ATP8B4: variants seen among roughly 807,000 people sequenced by gnomAD.
The protein encoded by ATP8B4 is probable phospholipid-transporting ATPase IM.
In ATP8B4, 133 loss-of-function variants were observed where a neutral mutation model predicts 145.6. The observed-to-expected ratio is 0.91, with a 90% CI of 0.79 to 1.05. ATP8B4 has a LOEUF of 1.05. Ranked by LOEUF, ATP8B4 falls within the 50% of genes least tolerant of loss-of-function variation. The pLI, the probability that ATP8B4 is intolerant of heterozygous loss-of-function variation, is 0.00. For missense variants in ATP8B4, 1,458 were observed against 1,425.2 expected, an observed-to-expected ratio of 1.02 and a Z score of -0.37; for synonymous variants, 507 against 492.9, an observed-to-expected ratio of 1.03 and a Z score of -0.38.
intron 2 of ATP8B4, among the ~76,000 whole-genome samples, chr15:50,081,981 T>C (rs1020033460): frequency 2.0e-5 from 3 of 152,318 alleles, no homozygotes; most frequent in African/African-American, 7.2e-5. Flanking sequence ...ATCCAAAAGC[T>C]GAAGAATGTC....
At chr15:49,898,588 A>G (rs1186645212) in intron 21 of ATP8B4, among the ~76,000 whole-genome samples, 1 of 152,256 alleles carries the variant, frequency 6.6e-6, no homozygotes, top group Non-Finnish European at 1.5e-5. Context: ...GATGAAAACA[A>G]AAGACAGAAC....
intron 15 of ATP8B4, among the ~76,000 whole-genome samples, chr15:49,933,337 G>A (rs1171808084): frequency 6.6e-6 from 1 of 152,034 alleles, no homozygotes; most frequent in East Asian, 1.9e-4. Flanking sequence ...AAGAATTAGT[G>A]GGCTGAGGAA....
intron 20 of ATP8B4, among the ~76,000 whole-genome samples, chr15:49,903,935 C>T (rs1182502494): frequency 6.6e-6 from 1 of 151,908 alleles, no homozygotes; most frequent in Non-Finnish European, 1.5e-5. Context: ...TGGATTGAAA[C>T]CATGACATCC....
intron 20 of ATP8B4, among the ~76,000 whole-genome samples, chr15:49,916,312 G>A (rs569320966): frequency 1.3e-5 from 2 of 151,998 alleles, no homozygotes; most frequent in East Asian, 1.9e-4. Context: ...CAGCACTTAC[G>A]TATTTTCTGG....
At chr15:50,148,927 T>C (rs1454397393) in intron 1 of ATP8B4, among the ~76,000 whole-genome samples, 1 of 152,250 alleles carries the variant, frequency 6.6e-6, no homozygotes, top group Non-Finnish European at 1.5e-5. Context: ...TTATATTGTC[T>C]ACAACTATCT....
chr15:49,909,404 C>G (rs1444059518), intron 20 of ATP8B4, among the ~76,000 whole-genome samples: 1 of 152,198 alleles, frequency 6.6e-6, no homozygotes, highest in African/African-American at 2.4e-5. Flanking sequence ...GAGAGTTGTC[C>G]AACCACTGCT....
intron 20 of ATP8B4, among the ~76,000 whole-genome samples, chr15:49,909,245 C>G (rs1599064207): frequency 1.3e-5 from 2 of 152,162 alleles, no homozygotes; most frequent in Non-Finnish European, 2.9e-5. Context: ...CATGACCACT[C>G]CTCCCAGAGA....
intron 8 of ATP8B4, among the ~76,000 whole-genome samples, chr15:50,000,073 A>G (rs72734854): frequency 5.3e-5 from 8 of 152,258 alleles, no homozygotes; most frequent in Non-Finnish European, 1.0e-4. Flanking sequence ...GTATGGATGT[A>G]CCACAATTTA....
intron 2 of ATP8B4, among the ~76,000 whole-genome samples, chr15:50,101,709 G>A (rs746149835): frequency 1.3e-5 from 2 of 151,940 alleles, no homozygotes; most frequent in South Asian, 2.1e-4. Context: ...ACAAGGAAAC[G>A]ATGAACTTAA....
At chr15:50,023,332 G>A (rs539463132) in intron 6 of ATP8B4, among the ~76,000 whole-genome samples, 19 of 152,228 alleles carry the variant, frequency 1.2e-4, no homozygotes, top group Non-Finnish European at 2.4e-4. Flanking sequence ...GCCAGGGATC[G>A]TGACCATAAT....
intron 6 of ATP8B4, among the ~76,000 whole-genome samples, chr15:50,026,055 G>T (rs775333829): frequency 3.9e-5 from 6 of 152,220 alleles, no homozygotes; most frequent in Non-Finnish European, 7.3e-5. Flanking sequence ...AAGACCCGAT[G>T]ATTAAAGTTC....
intron 1 of ATP8B4, among the ~76,000 whole-genome samples, chr15:50,134,076 C>G (rs58724726): frequency 0.055 from 8,410 of 152,104 alleles, 266 homozygotes; most frequent in African/African-American, 0.085. Flanking sequence ...TATATCAAAT[C>G]ATCACATTGT....
At chr15:49,928,296 A>G (rs1431112558) in intron 16 of ATP8B4, among the ~76,000 whole-genome samples, 1 of 152,166 alleles carries the variant, frequency 6.6e-6, no homozygotes, top group African/African-American at 2.4e-5. Flanking sequence ...AATGGGTAAC[A>G]TTTGAATTGG....
At chr15:50,011,086 G>A (rs113959938) in intron 6 of ATP8B4, among the ~76,000 whole-genome samples, 169 bp from the exon 7 acceptor site, 5,514 of 152,168 alleles carry the variant, frequency 0.036, 354 homozygotes, top group African/African-American at 0.13. Flanking sequence ...GCCCAGAGAG[G>A]TTAAGTGATT....
chr15:50,102,434 T>C (rs1296130165), intron 2 of ATP8B4, among the ~76,000 whole-genome samples: 2 of 151,698 alleles, frequency 1.3e-5, no homozygotes, highest in African/African-American at 2.4e-5. Flanking sequence ...ACCACAGAAA[T>C]ACAAAAGATC....
chr15:49,984,867 C>T (rs2046451798), intron 10 of ATP8B4, among the ~76,000 whole-genome samples: 1 of 152,108 alleles, frequency 6.6e-6, no homozygotes, highest in Non-Finnish European at 1.5e-5. Flanking sequence ...CTCCTAGAGA[C>T]TGTTTAAATG....
At chr15:49,920,847 T>C (rs553872617) in intron 17 of ATP8B4, among the ~76,000 whole-genome samples, 11 of 152,314 alleles carry the variant, frequency 7.2e-5, no homozygotes, top group Admixed American at 2.0e-4. Context: ...AGAGAAGCCA[T>C]AGTCCTCAAA....
chr15:49,874,028 A>G (rs1205246899), intron 25 of ATP8B4, among the ~76,000 whole-genome samples: 1 of 152,336 alleles, frequency 6.6e-6, no homozygotes, highest in East Asian at 1.9e-4. Context: ...GATCAGTAGC[A>G]GGAGAATTTC....
intron 13 of ATP8B4, among the ~76,000 whole-genome samples, chr15:49,971,657 CTT>C (rs769133850): frequency 1.8e-4 from 27 of 152,198 alleles, no homozygotes; most frequent in Non-Finnish European, 3.4e-4. Context: ...AATAGGAACA[CTT>C]TTACACTGTT....
Sources: gnomAD v4.1 joint callset for allele counts (sites outside exome capture counted in the v4.1 genomes callset) on GRCh38, gnomAD v4.1.1 for gene constraint, MANE v1.5 for transcripts, NCBI Gene and HGNC (gene_info 2026-07-23, HGNC 2026-07-21) for gene names.